Variants in FGD6 observed in about 807,000 individuals in gnomAD.
FGD6 encodes FYVE, RhoGEF and PH domain-containing protein 6.
A neutral mutation model predicts 149.4 loss-of-function variants in FGD6; 90 were observed. The observed-to-expected ratio is 0.60, with a 90% confidence interval of 0.51 to 0.72. FGD6 has a LOEUF of 0.72. FGD6 is among the 30% of genes least tolerant of loss of function. The pLI is 0.00. For missense variants in FGD6, 1,437 were observed against 1,684.8 expected, an observed-to-expected ratio of 0.85 and a Z score of 2.57; for synonymous variants, 527 against 584.0, an observed-to-expected ratio of 0.90 and a Z score of 1.41.
intron 2 of FGD6, among the ~76,000 whole-genome samples, chr12:95,191,666 C>CT (rs1356531102): frequency 2.6e-5 from 4 of 152,164 alleles, no homozygotes; most frequent in Non-Finnish European, 4.4e-5. Context: ...AGACCAAACT[C>CT]CATGGATGCT....
chr12:95,209,601 A>C lies in FGD6; in HGVS notation c.1683T>G (p.Ala561=), dbSNP rs200182516. ...VSSSFDMPKR[A]SEKPVWKLPH... ...GTAACTTCCACACTGGCTTTTCTGA[A>C]GCCCGTTTAGGCATATCAAAGGAGG... The change falls in exon 2 of 21, where the codon GCT becomes GCG. Residue 561 remains alanine, a synonymous_variant. Coordinates refer to ENST00000343958, the MANE Select transcript of FGD6 (RefSeq NM_018351.4). 1.4e-5 allele frequency: 23 copies of C among 1,613,998 alleles called. 1 individual carries two copies. In the East Asian group the frequency reaches 2.2e-4, roughly 16 times the overall value.
In FGD6 at chr12:95,142,052, A is replaced by G. The variant is rs941371632; in HGVS notation, c.2686-513T>C. 5.9e-5 allele frequency among the ~76,000 whole-genome samples: 9 copies of G among 151,962 alleles called. No homozygotes were observed. In the South Asian group the frequency reaches 1.0e-3, roughly 18 times the overall value. ...TGTGGGTCTCCCTCTGTCATCCAGG[A>G]TGGAGCGCAGTGGCCCAATCTCAGC... On this transcript the variant is annotated intron_variant, in intron 5 of 20. Transcript: ENST00000343958.
rs913540588 is a variant in FGD6, at chr12:95,217,318, G to A, written c.-78C>T. On this transcript the variant is annotated 5_prime_UTR_variant, in exon 1 of 21. It introduces an in-frame stop codon into an upstream open reading frame of the 5' UTR. Coordinates refer to ENST00000343958, the MANE Select transcript of FGD6 (RefSeq NM_018351.4). Reference sequence around the variant, plus strand: ...TTTCAGTCCATTGTTCCCACAGTTCGGGTAGGAGAGAAAAGCCCCCGCAGC... The same window carrying A: ...TTTCAGTCCATTGTTCCCACAGTTCAGGTAGGAGAGAAAAGCCCCCGCAGC... 2 of 1,505,482 alleles carry A rather than the reference G, an allele frequency of 1.3e-6. No individual in the cohort carries two copies. Among genetic ancestry groups the A allele is most frequent in the African/African-American group, 1.4e-5 (1 of 70,134 alleles). The allele number at this position is 1,505,482 out of a possible 1,614,324, so 93.3% of individuals were successfully genotyped here.
At chr12:95,187,731 G>T (rs1881484754) in intron 2 of FGD6, among the ~76,000 whole-genome samples, 1 of 151,722 alleles carries the variant, frequency 6.6e-6, no homozygotes. Context: ...CTCATCACCA[G>T]CTTAAAGGTC....
chr12:95,125,993 G>A, intron 8 of FGD6: 1 of 1,389,598 alleles, frequency 7.2e-7, no homozygotes, highest in Non-Finnish European at 1.0e-6. Context: ...AAGCCTGGCA[G>A]AAGGTAGACA....
chr12:95,105,193 C>A, intron 13 of FGD6, 107 bp from the exon 14 acceptor site: 1 of 904,782 alleles, frequency 1.1e-6, no homozygotes, highest in Admixed American at 2.3e-5. Flanking sequence ...ACCAATCTTC[C>A]TATCCAGCTT....
At position 95,148,820 on chromosome 12, in the gene FGD6, ATATATAT is replaced by A. The variant is rs1361078390; in HGVS notation, c.2685+3984_2685+3990del. On this transcript the variant is annotated intron_variant, in intron 5 of 20. Coordinates refer to ENST00000343958, the MANE Select transcript of FGD6 (RefSeq NM_018351.4). The stretch of plus-strand genomic sequence containing the variant: ...TAGCATATGTTATATTACATATATT[ATATATAT>A]TATATAATATATAGCATATATTATA... Among the ~76,000 whole-genome samples, 138 of 64,286 alleles carry A rather than the reference ATATATAT, an allele frequency of 2.1e-3. 4 individuals carry two copies. The highest frequency in any genetic ancestry group is 2.6e-3 in the Non-Finnish European group (89 of 33,968). The allele number at this position is 64,286 out of a possible 152,430, so 42.2% of individuals were successfully genotyped here.
intron 8 of FGD6, among the ~76,000 whole-genome samples, chr12:95,130,992 C>T (rs1343768270): frequency 2.6e-5 from 4 of 151,962 alleles, no homozygotes; most frequent in Non-Finnish European, 2.9e-5. Flanking sequence ...GCTGTGTAGC[C>T]TTGGGAGGAC....
intron 17 of FGD6, among the ~76,000 whole-genome samples, chr12:95,089,902 T>C (rs1012522050): frequency 6.6e-6 from 1 of 152,046 alleles, no homozygotes; most frequent in Non-Finnish European, 1.5e-5. Context: ...CTTTTTGAAC[T>C]TTATGTGAAA....
intron 5 of FGD6, 101 bp from the exon 6 acceptor site, chr12:95,141,640 C>A: frequency 7.7e-7 from 1 of 1,297,978 alleles, no homozygotes; most frequent in Non-Finnish European, 1.1e-6. Flanking sequence ...ACAGATTGCA[C>A]AGCTGTATTT....
At chr12:95,087,036 CAG>C (rs1413853662) in intron 18 of FGD6, among the ~76,000 whole-genome samples, 1 of 150,862 alleles carries the variant, frequency 6.6e-6, no homozygotes, top group African/African-American at 2.4e-5. Context: ...TTAGTCGAGA[CAG>C]GGTTTCGCCA....
chr12:95,217,250 G>C lies in FGD6; in HGVS notation c.-10C>G, dbSNP rs768000854. The C allele has an allele frequency of 1.9e-6, 3 of 1,609,190 alleles. No homozygotes were observed. The highest frequency in any genetic ancestry group is 2.5e-6 in the Non-Finnish European group (3 of 1,176,782). ...CGGCTGCAGAAGTCATGATTCCCCGGTGCAGCTCGCTTCCCCGCTCGGCCC... is the reference window on the plus strand; with the variant it reads ...CGGCTGCAGAAGTCATGATTCCCCGCTGCAGCTCGCTTCCCCGCTCGGCCC... On this transcript the variant is annotated 5_prime_UTR_variant, in exon 1 of 21. Coordinates refer to ENST00000343958, the MANE Select transcript of FGD6 (RefSeq NM_018351.4).
chr12:95,099,701 A>G (rs938763693), intron 14 of FGD6, among the ~76,000 whole-genome samples: 7 of 152,084 alleles, frequency 4.6e-5, no homozygotes, highest in African/African-American at 1.7e-4. Flanking sequence ...TGGCTGCCCA[A>G]CTTCTACTGT....
At chr12:95,183,068 G>A (rs1011709326) in intron 2 of FGD6, among the ~76,000 whole-genome samples, 7 of 152,190 alleles carry the variant, frequency 4.6e-5, no homozygotes, top group Non-Finnish European at 1.0e-4. Flanking sequence ...AAACCATTGC[G>A]GTGCAAGGCT....
intron 8 of FGD6, among the ~76,000 whole-genome samples, chr12:95,132,022 A>G (rs1879535823): frequency 6.6e-6 from 1 of 152,138 alleles, no homozygotes; most frequent in Non-Finnish European, 1.5e-5. Context: ...CCTGGGTAAC[A>G]GGCAAGATTT....
Position 95,130,508 on chromosome 12 carries a change from T to C in FGD6, c.3082+4231A>G, listed in dbSNP as rs191325626. Among the ~76,000 whole-genome samples, 157 of 152,328 alleles carry C rather than the reference T, an allele frequency of 1.0e-3. 2 individuals are homozygous for C. The highest frequency in any genetic ancestry group is 3.7e-3 in the African/African-American group (152 of 41,568). On this transcript the variant is annotated intron_variant, in intron 8 of 20. Transcript: ENST00000343958. ...TTAACCTCACAAAGTTGTTGGAGGA[T>C]TAAATCATTTGAGCTTTATTATCCA...
At position 95,210,611 on chromosome 12, in the gene FGD6, A is replaced by T; in HGVS notation, c.673T>A (p.Leu225Met). The T allele has an allele frequency of 6.2e-7, 1 of 1,614,232 alleles. No homozygotes were observed. Residue 225 changes from leucine (L) to methionine (M), a missense_variant, in exon 2 of 21, where the codon TTG becomes ATG. Physicochemically the swap from Leu to Met is conservative, Grantham distance 15. Coordinates refer to ENST00000343958, the MANE Select transcript of FGD6 (RefSeq NM_018351.4). Reference protein sequence around the residue: ...NGQFRIEFADLSPSPSSFEKV... With the variant: ...NGQFRIEFADMSPSPSSFEKV... ...TCAAAGCTGGATGGGGAAGGTGACA[A>T]ATCCGCAAATTCAATTCTGAATTGT...
intron 14 of FGD6, among the ~76,000 whole-genome samples, chr12:95,104,784 A>G (rs1215017541): frequency 6.6e-6 from 1 of 151,950 alleles, no homozygotes; most frequent in East Asian, 1.9e-4. Flanking sequence ...ATGGTAGTGC[A>G]TGCCTGTGGT....
intron 5 of FGD6, among the ~76,000 whole-genome samples, chr12:95,149,623 C>T (rs1880234511): frequency 7.7e-6 from 1 of 130,426 alleles, no homozygotes. Flanking sequence ...CACCACTGCA[C>T]TCTAGCATGG....
Sources: allele counts gnomAD v4.1 joint callset (sites outside exome capture counted in the v4.1 genomes callset), GRCh38; gene constraint gnomAD v4.1.1; transcripts MANE v1.5; gene names NCBI Gene and HGNC (gene_info 2026-07-23, HGNC 2026-07-21).